The following TMEM131 variants were observed in gnomAD, a reference collection of about 807,000 sequenced individuals.
The protein encoded by TMEM131 is 2610524E03Rik.
TMEM131 carries 66 observed loss-of-function variants against 211.6 expected under a neutral mutation model. That is an observed-to-expected ratio of 0.31 (90% confidence interval 0.26 to 0.38). The LOEUF (loss-of-function observed/expected upper bound fraction) is 0.38. Ranked by LOEUF, TMEM131 falls within the 10% of genes least tolerant of loss-of-function variation. The pLI is 1.00. For missense variants in TMEM131, 2,036 were observed against 2,299.3 expected (o/e 0.89, Z 2.34); for synonymous variants, 844 against 841.3 (o/e 1.00, Z -0.06).
chr2:97,940,851 A>G (rs1444505072), intron 1 of TMEM131, among the ~76,000 whole-genome samples: 1 of 151,972 alleles, frequency 6.6e-6, no homozygotes, highest in Non-Finnish European at 1.5e-5. Flanking sequence ...AGAACATTCC[A>G]TGCTCATGGA....
chr2:97,820,749 C>G (rs1180420931), intron 11 of TMEM131, among the ~76,000 whole-genome samples: 1 of 151,860 alleles, frequency 6.6e-6, no homozygotes, highest in Middle Eastern at 3.4e-3. Flanking sequence ...CCCAGCTACT[C>G]GGGAAGCTGA....
At chr2:97,926,559 T>C (rs1282646082) in intron 2 of TMEM131, among the ~76,000 whole-genome samples, 2 of 152,228 alleles carry the variant, frequency 1.3e-5, no homozygotes, top group Admixed American at 6.5e-5. Flanking sequence ...TTAGGTTTTT[T>C]TGTGGCTTAA....
rs570583808 is a variant in TMEM131 at position 97,867,871 on chromosome 2, T to C, written c.360-8444A>G. 4.3e-4 allele frequency among the ~76,000 whole-genome samples: 65 copies of C among 152,294 alleles called. 1 individual carries two copies. In the South Asian group the frequency reaches 0.012, roughly 28 times the overall value. On this transcript the variant is annotated intron_variant, in intron 4 of 40. Coordinates refer to ENST00000186436, the MANE Select transcript of TMEM131 (RefSeq NM_015348.2). ...GAGGGGTATGTGGTGGGGAGCATAA[T>C]AGAATAGGTTGTAGCCCAAATGCCA...
rs958430427 is a variant in TMEM131 at position 97,796,891 on chromosome 2, G to C, written c.2966C>G (p.Ser989Cys). The change falls in exon 27 of 41, where the codon TCC becomes TGC. Residue 989 changes from serine to cysteine, a missense_variant. Coordinates refer to ENST00000186436, the MANE Select transcript of TMEM131 (RefSeq NM_015348.2). The part of the protein sequence containing the change: ...VAGKLPGPGS[S>C]LRFKITEALL... ...TGCTTCCGTGATTTTAAAGCGTAAG[G>C]AGCTTCCTGGACCTGGAAGCTTGCC... 1.9e-6 allele frequency: 3 copies of C among 1,613,792 alleles called. No individual in the cohort carries two copies. In the African/African-American group the frequency reaches 4.0e-5, roughly 22 times the overall value.
chr2:97,759,194 G>T, intron 39 of TMEM131, 141 bp from the exon 40 acceptor site: 1 of 1,020,800 alleles, frequency 9.8e-7, no homozygotes, highest in Non-Finnish European at 1.5e-6. Context: ...CCACAGCCCA[G>T]AGGAAGTAGG....
At chr2:97,761,810 G>A (rs1353747408) in intron 36 of TMEM131, 1 of 494,282 alleles carries the variant, frequency 2.0e-6, no homozygotes, top group Non-Finnish European at 3.5e-6. Context: ...TCCACAGGTG[G>A]TAAGAATGAA....
intron 11 of TMEM131, among the ~76,000 whole-genome samples, chr2:97,824,271 C>T (rs1038208847): frequency 2.6e-5 from 4 of 152,256 alleles, no homozygotes; most frequent in African/African-American, 9.6e-5. Flanking sequence ...AACAGCAGGA[C>T]TGAGGGTGCC....
intron 3 of TMEM131, among the ~76,000 whole-genome samples, chr2:97,893,875 A>G (rs1675489671): frequency 6.6e-6 from 1 of 152,144 alleles, no homozygotes; most frequent in East Asian, 1.9e-4. Context: ...GAAACTCTTT[A>G]GTTTAATTAG....
chr2:97,809,795 TGATA>T, intron 18 of TMEM131, 21 bp from the exon 19 acceptor site: 1 of 1,571,106 alleles, frequency 6.4e-7, no homozygotes, highest in Non-Finnish European at 8.7e-7. Context: ...AAGAAGATGA[TGATA>T]GATAAGTAGT....
At chr2:97,832,584 TCCCTTAAATCTCAAG>T (rs1682755579) in intron 11 of TMEM131, among the ~76,000 whole-genome samples, 1 of 152,138 alleles carries the variant, frequency 6.6e-6, no homozygotes, top group Non-Finnish European at 1.5e-5. Flanking sequence ...TGGACAAAGG[TCCCTTAAATCTCAAG>T]CCCACATGAT....
At chr2:97,810,191 G>A (rs142615746) in intron 18 of TMEM131, among the ~76,000 whole-genome samples, 4 of 150,858 alleles carry the variant, frequency 2.7e-5, no homozygotes, top group African/African-American at 9.7e-5. Context: ...CTTTTTTTTT[G>A]ATACAGAAAT....
intron 2 of TMEM131, among the ~76,000 whole-genome samples, chr2:97,919,839 G>A (rs895594642): frequency 6.6e-6 from 1 of 152,150 alleles, no homozygotes; most frequent in African/African-American, 2.4e-5. Flanking sequence ...CAAAGTACTG[G>A]GATTACAGGC....
rs559272645 is a variant in TMEM131, at chr2:97,823,774, C to T, written c.1075-5053G>A. Among the ~76,000 whole-genome samples, 20 of 152,262 alleles carry T rather than the reference C, an allele frequency of 1.3e-4. No individual in the cohort carries two copies. The South Asian group carries it at 2.1e-3, about 16-fold the overall frequency. On this transcript the variant is annotated intron_variant, in intron 11 of 40. Coordinates refer to ENST00000186436, the MANE Select transcript of TMEM131 (RefSeq NM_015348.2). The stretch of plus-strand genomic sequence containing the variant: ...AGGAAGAAAATCCTTCTGCCTTCCT[C>T]GAGCAGCTACGGGAGGTCTTAAGGA...
chr2:97,982,234 G>A (rs1249634040), intron 1 of TMEM131, among the ~76,000 whole-genome samples: 2 of 152,132 alleles, frequency 1.3e-5, no homozygotes, highest in East Asian at 3.9e-4. Flanking sequence ...GGTGTGAAAT[G>A]GAATCTCATT....
At chr2:97,908,271 G>A (rs1676153128) in intron 3 of TMEM131, among the ~76,000 whole-genome samples, 1 of 152,102 alleles carries the variant, frequency 6.6e-6, no homozygotes, top group African/African-American at 2.4e-5. Flanking sequence ...ACTGGGTTTC[G>A]CAGGTCTGAG....
intron 1 of TMEM131, among the ~76,000 whole-genome samples, chr2:97,941,491 AAG>A (rs1189969465): frequency 6.6e-6 from 1 of 152,212 alleles, no homozygotes; most frequent in Non-Finnish European, 1.5e-5. Flanking sequence ...AATTAAATGA[AAG>A]AGCTTCTGCA....
At chr2:97,816,827 AAGATGCTTGATAAATGAACACTGC>A (rs1398983457) in intron 12 of TMEM131, among the ~76,000 whole-genome samples, 1 of 152,224 alleles carries the variant, frequency 6.6e-6, no homozygotes, top group African/African-American at 2.4e-5. Flanking sequence ...TTTGATGAGA[AAGATGCTTGATAAATGAACACTGC>A]AGAGTTAATA....
At chr2:97,853,236 C>G (rs574438474) in intron 5 of TMEM131, among the ~76,000 whole-genome samples, 1 of 152,116 alleles carries the variant, frequency 6.6e-6, no homozygotes, top group Non-Finnish European at 1.5e-5. Flanking sequence ...GGTGATTCCT[C>G]TGATGGATCT....
intron 4 of TMEM131, among the ~76,000 whole-genome samples, chr2:97,886,957 A>G (rs115117283): frequency 0.012 from 1,821 of 152,278 alleles, 40 homozygotes; most frequent in African/African-American, 0.041. Flanking sequence ...GCTCAGCTGA[A>G]CTGGGAGTTA....
Sources: allele counts gnomAD v4.1 joint callset (sites outside exome capture counted in the v4.1 genomes callset), GRCh38; gene constraint gnomAD v4.1.1; transcripts MANE v1.5; gene names NCBI Gene and HGNC (gene_info 2026-07-23, HGNC 2026-07-21).